Variants in ZFHX3 observed in about 807,000 individuals in gnomAD.
ZFHX3 encodes the protein zinc finger homeobox protein 3.
In ZFHX3, 42 loss-of-function variants were observed where a neutral mutation model predicts 279.1. The observed-to-expected ratio is 0.15, with a 90% confidence interval of 0.12 to 0.19. The LOEUF is 0.19. Ranked by LOEUF, ZFHX3 falls within the 10% of genes least tolerant of loss-of-function variation. The probability of loss-of-function intolerance (pLI) is 1.00; values close to 1 mark genes in which losing one functional copy is unlikely to be tolerated. For missense variants in ZFHX3, 4,981 were observed against 4,754.0 expected, an observed-to-expected ratio of 1.05 and a Z score of -1.40; for synonymous variants, 2,293 against 1,957.8, an observed-to-expected ratio of 1.17 and a Z score of -4.52.
intron 3 of ZFHX3, among the ~76,000 whole-genome samples, chr16:72,932,962 T>A (rs563512608): frequency 2.0e-5 from 3 of 152,326 alleles, no homozygotes; most frequent in Non-Finnish European, 4.4e-5. Flanking sequence ...GGAGCTGGGA[T>A]TCAAACCCAG....
Position 72,786,572 on chromosome 16 carries a change from T to G in ZFHX3, c.*592A>C, listed in dbSNP as rs1475860573. 1 of 142,300 alleles carries G rather than the reference T, an allele frequency of 7.0e-6. No individual in the cohort carries two copies. Among genetic ancestry groups the G allele is most frequent in the Non-Finnish European group, 1.5e-5 (1 of 65,086 alleles). 8.8% of individuals were successfully genotyped at this position (142,300 alleles called of 1,614,324 possible). ...ATTTTTAAGTTAACAAAACAAAAAA[T>G]CTTTTCTGGAACAAAAAAAAAAAAA... is the stretch of plus-strand genomic sequence containing the variant. On this transcript the variant is annotated 3_prime_UTR_variant, in exon 10 of 10. Coordinates refer to ENST00000268489, the MANE Select transcript of ZFHX3 (RefSeq NM_006885.4).
intron 4 of ZFHX3, among the ~76,000 whole-genome samples, chr16:73,264,811 C>G (rs142296267): frequency 6.6e-6 from 1 of 152,062 alleles, no homozygotes; most frequent in African/African-American, 2.4e-5. Flanking sequence ...TTAGCTCTCA[C>G]TTATGAATGA....
At chr16:73,679,597 C>T (rs1597061942) in intron 2 of ZFHX3, 1 of 152,106 alleles carries the variant, frequency 6.6e-6, no homozygotes, top group African/African-American at 2.4e-5. Flanking sequence ...TTTGCCATAT[C>T]GTCTTCTACC....
chr16:72,945,386 G>A (rs1479596120), intron 3 of ZFHX3, among the ~76,000 whole-genome samples: 1 of 152,112 alleles, frequency 6.6e-6, no homozygotes, highest in Non-Finnish European at 1.5e-5. Context: ...AGTCAGCCCA[G>A]GCTCTCAGTA....
exon 8 of ZFHX3, chr16:73,093,288 G>C: frequency 2.2e-6 from 1 of 464,516 alleles, no homozygotes; most frequent in Non-Finnish European, 4.3e-6. Context: ...TTTGCACATC[G>C]TGTTTGGGTT....
intron 3 of ZFHX3, among the ~76,000 whole-genome samples, chr16:73,375,287 T>C (rs2016703550): frequency 6.6e-6 from 1 of 152,252 alleles, no homozygotes; most frequent in Non-Finnish European, 1.5e-5. Flanking sequence ...CTTTGGCTGA[T>C]GGCACTTCAA....
intron 1 of ZFHX3, among the ~76,000 whole-genome samples, chr16:73,860,430 C>T (rs1015866530): frequency 3.3e-5 from 5 of 150,342 alleles, no homozygotes; most frequent in Non-Finnish European, 7.4e-5. Context: ...CCACCAATCA[C>T]GAGGAGTAGT....
At position 73,379,055 on chromosome 16, in the gene ZFHX3, G is replaced by A. The variant is rs951922079; in HGVS notation, c.-1290-60719C>T. ...AACTCAGTGTGTGGATGATTCTGACGATCCCACGAAGGAGGATCTGTCAAT... is the reference window on the plus strand; with the variant it reads ...AACTCAGTGTGTGGATGATTCTGACAATCCCACGAAGGAGGATCTGTCAAT... On this transcript the variant is annotated intron_variant, in intron 3 of 17. Coordinates refer to the ZFHX3 transcript ENST00000641206. Among the ~76,000 whole-genome samples the A allele has an allele frequency of 5.3e-5, 8 of 152,306 alleles. No homozygotes were observed. The South Asian group carries it at 1.2e-3, about 24-fold the overall frequency.
intron 1 of ZFHX3, among the ~76,000 whole-genome samples, chr16:73,843,065 C>A (rs946887188): frequency 5.9e-5 from 9 of 152,104 alleles, no homozygotes; most frequent in Non-Finnish European, 1.2e-4. Context: ...ATTTGGATTT[C>A]TTTCTTTGTT....
At chr16:73,881,959 G>A (rs1241408563) in intron 1 of ZFHX3, among the ~76,000 whole-genome samples, 1 of 152,054 alleles carries the variant, frequency 6.6e-6, no homozygotes, top group Non-Finnish European at 1.5e-5. Context: ...AAACGCTCGT[G>A]GAGTCTGCCG....
At chr16:72,895,868 T>TAGA (rs2038886902) in intron 3 of ZFHX3, among the ~76,000 whole-genome samples, 1 of 143,502 alleles carries the variant, frequency 7.0e-6, no homozygotes. Flanking sequence ...GATAGGTAGA[T>TAGA]TAGACTAGAT....
intron 2 of ZFHX3, among the ~76,000 whole-genome samples, chr16:73,666,158 G>C (rs1053602727): frequency 2.2e-4 from 33 of 151,850 alleles, no homozygotes; most frequent in Admixed American, 7.2e-4. Context: ...GTGGCAGTTT[G>C]TGGGCTGGAG....
intron 1 of ZFHX3, among the ~76,000 whole-genome samples, chr16:73,860,984 ATTTT>A (rs34828290): frequency 1.4e-5 from 2 of 140,658 alleles, no homozygotes; most frequent in Non-Finnish European, 1.6e-5. Context: ...TTTTTTGCAG[ATTTT>A]TTTTTTTTTT....
chr16:73,273,458 G>GATGTATTTTCCATGC (rs1433729273), intron 4 of ZFHX3, among the ~76,000 whole-genome samples: 2 of 152,124 alleles, frequency 1.3e-5, no homozygotes, highest in African/African-American at 2.4e-5. Flanking sequence ...TATCTGTTCA[G>GATGTATTTTCCATGC]ATGTATTTTC....
intron 2 of ZFHX3, among the ~76,000 whole-genome samples, chr16:73,482,875 A>G (rs989990877): frequency 1.3e-5 from 2 of 152,194 alleles, no homozygotes; most frequent in African/African-American, 4.8e-5. Flanking sequence ...AAACAACACA[A>G]AAGCTTTGGA....
At chr16:72,947,283 A>T (rs1261140969) in intron 3 of ZFHX3, among the ~76,000 whole-genome samples, 2 of 152,174 alleles carry the variant, frequency 1.3e-5, no homozygotes, top group Non-Finnish European at 2.9e-5. Context: ...TTTAAACATT[A>T]GTATCACACA....
intron 4 of ZFHX3, among the ~76,000 whole-genome samples, chr16:73,278,271 G>A (rs988696230): frequency 5.9e-5 from 9 of 152,158 alleles, no homozygotes; most frequent in Non-Finnish European, 1.3e-4. Context: ...CAAATCTCTT[G>A]TTAATCAATT....
intron 2 of ZFHX3, among the ~76,000 whole-genome samples, chr16:73,665,102 G>T (rs1304408616): frequency 6.6e-6 from 1 of 152,110 alleles, no homozygotes. Context: ...CTAATGTAGA[G>T]GATGAATACA....
intron 1 of ZFHX3, among the ~76,000 whole-genome samples, chr16:73,682,854 G>GA (rs1427617861): frequency 4.2e-5 from 1 of 23,668 alleles, no homozygotes; most frequent in South Asian, 2.1e-3. Context: ...AAAAGAAAGA[G>GA]AAAGAAAGAA....
Sources: allele counts gnomAD v4.1 joint callset (sites outside exome capture counted in the v4.1 genomes callset), GRCh38; gene constraint gnomAD v4.1.1; transcripts MANE v1.5; gene names NCBI Gene and HGNC (gene_info 2026-07-23, HGNC 2026-07-21).